Variants in COL27A1 observed in about 807,000 individuals in gnomAD.
The protein encoded by COL27A1 is collagen type XXVII alpha 1 chain.
Under a neutral mutation model 251.3 loss-of-function variants are expected in COL27A1, and 106 were observed. The observed-to-expected ratio is 0.42, with a 90% CI of 0.36 to 0.50. The LOEUF (loss-of-function observed/expected upper bound fraction) is 0.50. COL27A1 is among the 20% of genes least tolerant of loss of function. The pLI is 0.00. For synonymous variants in COL27A1, 1,000 were observed against 986.3 expected, an observed-to-expected ratio of 1.01 and a Z score of -0.26; for missense variants, 2,325 against 2,522.8, an observed-to-expected ratio of 0.92 and a Z score of 1.68.
rs368477433 is a variant in COL27A1 at position 114,302,159 on chromosome 9, T to C, written c.4872+51T>C. On this transcript the variant is annotated intron_variant, in intron 56 of 60. Transcript: ENST00000356083. Reference sequence around the variant, plus strand: ...CTACTTGGGGTAAGGCCTGAGGGGTTTGGGGGAAGAGGCTGCTGGCCCTCT... The same window carrying C: ...CTACTTGGGGTAAGGCCTGAGGGGTCTGGGGGAAGAGGCTGCTGGCCCTCT... 2.9e-4 allele frequency: 435 copies of C among 1,520,974 alleles called. No individual in the cohort carries two copies. In the African/African-American group the frequency reaches 5.5e-3, roughly 19 times the overall value. The allele number at this position is 1,520,974 out of a possible 1,614,324, so 94.2% of individuals were successfully genotyped here. A position where few individuals can be genotyped will look rare whatever the true frequency, so the allele number is the denominator to read the frequency against.
rs1050374457 is a variant in COL27A1 at position 114,270,973 on chromosome 9, A to G, written c.3609+192A>G. On this transcript the variant is annotated intron_variant, in intron 36 of 60. Coordinates refer to ENST00000356083, the MANE Select transcript of COL27A1 (RefSeq NM_032888.4). ...CACCTCCCACCCTGCCCTCTGCACT[A>G]CCTGCTCAGGTGGGACCAGGGCCAT... 6 of 579,060 alleles carry G rather than the reference A, an allele frequency of 1.0e-5. No homozygotes were observed. In the Admixed American group the frequency reaches 1.4e-4, roughly 14 times the overall value. The allele number at this position is 579,060 out of a possible 1,614,324, so 35.9% of individuals were successfully genotyped here.
Position 114,288,460 on chromosome 9 carries a change from G to T in COL27A1, c.3993G>T (p.Glu1331Asp). ...GPPGPKGEKG[E>D]QGEDGKAEGP... is the part of the protein sequence containing the mutation. ...AGCTGGTTCTGTGTCCACAGGGGGA[G>T]CAGGGCGAGGACGGCAAGGCTGAGG... The change falls in exon 42 of 61, where the codon GAG (glutamate) becomes GAT (aspartate). Residue 1331 changes from glutamate (E) to aspartate (D), a missense_variant. Transcript: ENST00000356083. 1.2e-6 allele frequency: 2 copies of T among 1,610,050 alleles called. No individual in the cohort carries two copies. The highest frequency in any genetic ancestry group is 1.7e-6 in the Non-Finnish European group (2 of 1,178,908).
intron 23 of COL27A1, among the ~76,000 whole-genome samples, chr9:114,245,504 T>C (rs1833070023): frequency 6.6e-6 from 1 of 152,186 alleles, no homozygotes; most frequent in Non-Finnish European, 1.5e-5. Flanking sequence ...GTTCTAGCCC[T>C]ACCTCTGGCT....
Position 114,304,735 on chromosome 9 carries a change from G to GC in COL27A1, c.4938+65dup, listed in dbSNP as rs950216834. Reference sequence around the variant, plus strand: ...CTGGGAGAAACGCAAATAGATAATGGCCCACATGTGGTCAGTGCCTTCCAT... The same window carrying GC: ...CTGGGAGAAACGCAAATAGATAATGGCCCCACATGTGGTCAGTGCCTTCCAT... On this transcript the variant is annotated intron_variant, in intron 57 of 60. Coordinates refer to ENST00000356083, the MANE Select transcript of COL27A1 (RefSeq NM_032888.4). 2.1e-6 allele frequency: 3 copies of GC among 1,439,490 alleles called. No homozygotes were observed. In the African/African-American group the frequency reaches 4.2e-5, roughly 20 times the overall value. The allele number at this position is 1,439,490 out of a possible 1,614,324, so 89.2% of individuals were successfully genotyped here. A position where few individuals can be genotyped will look rare whatever the true frequency, so the allele number is the denominator to read the frequency against.
intron 7 of COL27A1, among the ~76,000 whole-genome samples, chr9:114,202,534 T>A (rs202237409): frequency 1.3e-5 from 2 of 152,196 alleles, no homozygotes; most frequent in African/African-American, 4.8e-5. Context: ...ATCACGGCTG[T>A]TAGTTACATC....
intron 2 of COL27A1, 102 bp from the exon 3 acceptor site, chr9:114,167,587 T>A (rs1050034911): frequency 2.3e-4 from 219 of 936,874 alleles, no homozygotes; most frequent in Non-Finnish European, 4.7e-5. Flanking sequence ...CAGGTAGCTG[T>A]GGGTGGACGG....
chr9:114,167,892 T>C lies in COL27A1; in HGVS notation c.337T>C (p.Phe113Leu), dbSNP rs1783934855. 6.2e-7 allele frequency: 1 copy of C among 1,612,998 alleles called. No homozygotes were observed. The highest frequency in any genetic ancestry group is 8.5e-7 in the Non-Finnish European group (1 of 1,179,872). The part of the protein sequence containing the change: ...SLCSHRVNHA[F>L]LFAVRSQKRK... Reference sequence around the variant, plus strand: ...CTGCTCCCACCGGGTGAACCATGCCTTCCTCTTCGCTGTCCGCAGCCAGAA... The same window carrying C: ...CTGCTCCCACCGGGTGAACCATGCCCTCCTCTTCGCTGTCCGCAGCCAGAA... Residue 113 changes from phenylalanine (F) to leucine (L), a missense_variant, in exon 3 of 61, where the codon TTC becomes CTC. Physicochemically the swap from Phe to Leu is conservative, Grantham distance 22. Around this residue, in one of 4 missense-constraint regions of COL27A1, gnomAD observed 1,183 missense variants for 1,144.1 expected, o/e 1.03. Transcript: ENST00000356083.
At chr9:114,255,432 C>T (rs112300923) in intron 27 of COL27A1, among the ~76,000 whole-genome samples, 2,270 of 152,260 alleles carry the variant, frequency 0.015, 76 homozygotes, top group African/African-American at 0.05. Flanking sequence ...GCACCTCAGC[C>T]GTCCTGGGCC....
intron 27 of COL27A1, among the ~76,000 whole-genome samples, chr9:114,254,750 C>T (rs1393878783): frequency 6.6e-6 from 1 of 152,206 alleles, no homozygotes; most frequent in Non-Finnish European, 1.5e-5. Context: ...GCCAACTCAG[C>T]TCCTACACTT....
At position 114,240,507 on chromosome 9, in the gene COL27A1, T is replaced by A. The variant is rs41305461; in HGVS notation, c.2835+20T>A. 48,275 of 1,603,154 alleles carry A rather than the reference T, an allele frequency of 0.03. 882 individuals carry two copies. The highest frequency in any genetic ancestry group is 0.054 in the Middle Eastern group (318 of 5,922). ...CCCGAGGTGAGACTGTCTGGCCCCC[T>A]CCACTGCCCATCCTGGCCTGATTGC... On this transcript the variant is annotated intron_variant, in intron 21 of 60. Transcript: ENST00000356083.
At chr9:114,232,844 G>A (rs187516357) in intron 16 of COL27A1, among the ~76,000 whole-genome samples, 87 of 152,336 alleles carry the variant, frequency 5.7e-4, no homozygotes, top group Non-Finnish European at 1.0e-3. Flanking sequence ...AGGCCAAGGC[G>A]GGCGGATCAT....
chr9:114,304,907 C>T (rs1040164321), intron 57 of COL27A1, among the ~76,000 whole-genome samples: 2 of 152,204 alleles, frequency 1.3e-5, no homozygotes, highest in Admixed American at 6.5e-5. Flanking sequence ...AGGCCCTGAA[C>T]CCTTGAGCTT....
intron 24 of COL27A1, among the ~76,000 whole-genome samples, chr9:114,248,701 G>C (rs954552820): frequency 6.6e-6 from 1 of 152,168 alleles, no homozygotes; most frequent in Admixed American, 6.5e-5. Context: ...TGCGGGTCGG[G>C]GGATGGGGCA....
intron 35 of COL27A1, among the ~76,000 whole-genome samples, chr9:114,269,614 C>CAAAA (rs552967033): frequency 9.0e-4 from 62 of 68,868 alleles, no homozygotes; most frequent in Non-Finnish European, 1.3e-3. Flanking sequence ...GACTCCATCT[C>CAAAA]AAAAAAAAAA....
chr9:114,171,943 C>T (rs915668659), intron 3 of COL27A1, among the ~76,000 whole-genome samples: 4 of 152,198 alleles, frequency 2.6e-5, no homozygotes, highest in Non-Finnish European at 5.9e-5. Context: ...CAAAGGCTCC[C>T]AGCGTGTTCC....
chr9:114,265,017 T>C (rs1834636078), intron 30 of COL27A1, 49 bp downstream of exon 30: 5 of 1,612,888 alleles, frequency 3.1e-6, no homozygotes, highest in Non-Finnish European at 4.2e-6. Flanking sequence ...CCCTCCCTGC[T>C]CCGTGCTTTG....
intron 14 of COL27A1, among the ~76,000 whole-genome samples, chr9:114,224,643 T>C (rs1435585378): frequency 7.4e-6 from 1 of 135,204 alleles, no homozygotes; most frequent in East Asian, 2.0e-4. Context: ...ATAGCCCTCC[T>C]GGTTCTTTTT....
chr9:114,214,051 T>C (rs1026111483), intron 12 of COL27A1, among the ~76,000 whole-genome samples: 2 of 152,156 alleles, frequency 1.3e-5, no homozygotes, highest in African/African-American at 4.8e-5. Context: ...CTGCATCAGA[T>C]ATGATTTAAT....
In COL27A1 at chr9:114,169,282, G is replaced by T. The variant is rs148019836; in HGVS notation, c.1727G>T (p.Ser576Ile). ...VPLSDLTTRPSPRQPQPSQQT... is the reference protein window; with the variant it reads ...VPLSDLTTRPIPRQPQPSQQT... ...TTGAGCGATCTGACAACCAGGCCTA[G>T]CCCCAGACAGCCCCAGCCCAGTCAG... Residue 576 changes from serine to isoleucine, a missense_variant, in exon 3 of 61, where the codon AGC (serine) becomes ATC (isoleucine). Ser to Ile is a moderately radical substitution (Grantham distance 142). Around this residue, in one of 4 missense-constraint regions of COL27A1, gnomAD observed 1,183 missense variants for 1,144.1 expected, o/e 1.03. Transcript: ENST00000356083. 2.5e-5 allele frequency: 41 copies of T among 1,611,996 alleles called. No individual in the cohort carries two copies. Among genetic ancestry groups the T allele is most frequent in the African/African-American group, 1.6e-4 (12 of 74,892 alleles).
Sources: allele counts gnomAD v4.1 joint callset (sites outside exome capture counted in the v4.1 genomes callset), GRCh38; gene constraint gnomAD v4.1.1; regional missense constraint gnomAD v4.1.1; transcripts MANE v1.5; gene names NCBI Gene and HGNC (gene_info 2026-07-23, HGNC 2026-07-21).